Variants in XPO4 observed in about 807,000 individuals in gnomAD.
XPO4 encodes the protein exportin 4, also known as exportin-4.
Under a neutral mutation model 143.0 loss-of-function variants are expected in XPO4, and 39 were observed. The ratio of observed to expected loss-of-function variants is 0.27; its 90% CI spans 0.21 to 0.36. XPO4 has a LOEUF of 0.36. Among genes scored for constraint, XPO4 ranks in the 10% least tolerant of loss-of-function variants. The pLI, the probability that XPO4 is intolerant of heterozygous loss-of-function variation, is 1.00. For missense variants in XPO4, 907 were observed against 1,348.0 expected (o/e 0.67, Z 5.12); for synonymous variants, 439 against 474.0 (o/e 0.93, Z 0.96).
intron 2 of XPO4, chr13:20,866,419 A>C: frequency 2.1e-6 from 2 of 968,684 alleles, no homozygotes; most frequent in Non-Finnish European, 2.5e-6. Flanking sequence ...CTTTAGTAGA[A>C]TATATTACCC....
rs1307353407 is a variant in XPO4, at chr13:20,781,084, C to G, written c.*2638G>C. On this transcript the variant is annotated 3_prime_UTR_variant, in exon 23 of 23. Transcript: ENST00000255305. Reference sequence around the variant, plus strand: ...AAAACAAAAATCTAAAAATGAAATACTTGACAGTGTCCCTTTGACATATAT... The same window carrying G: ...AAAACAAAAATCTAAAAATGAAATAGTTGACAGTGTCCCTTTGACATATAT... 2 of 152,080 alleles carry G rather than the reference C, an allele frequency of 1.3e-5. No homozygotes were observed. Among genetic ancestry groups the G allele is most frequent in the African/African-American group, 4.8e-5 (2 of 41,402 alleles). The allele number at this position is 152,080 out of a possible 1,614,324, so 9.4% of individuals were successfully genotyped here. A position where few individuals can be genotyped will look rare whatever the true frequency, so the allele number is the denominator to read the frequency against.
At chr13:20,850,014 G>T in intron 4 of XPO4, 1 of 708,544 alleles carries the variant, frequency 1.4e-6, no homozygotes, top group Non-Finnish European at 1.7e-6. Flanking sequence ...GCTGAGGCAT[G>T]AGAATCGCTT....
chr13:20,869,417 A>G (rs2138135958), intron 1 of XPO4: 1 of 596,300 alleles, frequency 1.7e-6, no homozygotes, highest in South Asian at 7.4e-5. Context: ...TACATGGTTT[A>G]GTTAACTTTT....
chr13:20,821,962 C>T (rs2059725292), intron 8 of XPO4, 84 bp from the exon 9 acceptor site: 14 of 1,406,126 alleles, frequency 1.0e-5, no homozygotes, highest in South Asian at 1.5e-5. Context: ...AAGCAAATAT[C>T]GTTACTGATT....
At chr13:20,846,098 A>C (rs1233036643) in intron 4 of XPO4, among the ~76,000 whole-genome samples, 6 of 152,222 alleles carry the variant, frequency 3.9e-5, no homozygotes. Context: ...TCATTAAACA[A>C]ATTCTTACTC....
intron 1 of XPO4, among the ~76,000 whole-genome samples, chr13:20,895,355 G>C (rs2060557958): frequency 6.6e-6 from 1 of 152,098 alleles, no homozygotes; most frequent in African/African-American, 2.4e-5. Flanking sequence ...GTATAGGCCA[G>C]GCACAGTGGC....
intron 22 of XPO4, among the ~76,000 whole-genome samples, chr13:20,785,586 G>A (rs1174512230): frequency 2.0e-5 from 3 of 151,732 alleles, no homozygotes; most frequent in Non-Finnish European, 4.4e-5. Flanking sequence ...GATTGCTTGA[G>A]GCCAGGAGGC....
chr13:20,892,899 A>AT (rs1430488192), intron 1 of XPO4, among the ~76,000 whole-genome samples: 8 of 151,756 alleles, frequency 5.3e-5, no homozygotes, highest in African/African-American at 1.2e-4. Flanking sequence ...TAAAAAAAAA[A>AT]AAATAAAAGA....
At chr13:20,852,485 C>A (rs1411032926) in intron 4 of XPO4, 2 of 985,276 alleles carry the variant, frequency 2.0e-6, no homozygotes, top group Non-Finnish European at 2.4e-6. Flanking sequence ...GAAGCAAATT[C>A]GAACAAATTC....
intron 6 of XPO4, among the ~76,000 whole-genome samples, chr13:20,833,706 A>G (rs776597798): frequency 2.0e-5 from 3 of 152,134 alleles, no homozygotes; most frequent in Non-Finnish European, 2.9e-5. Flanking sequence ...AAAAAATCAT[A>G]TACAACATGC....
At chr13:20,847,687 C>T (rs2060041597) in intron 4 of XPO4, among the ~76,000 whole-genome samples, 1 of 152,104 alleles carries the variant, frequency 6.6e-6, no homozygotes, top group African/African-American at 2.4e-5. Flanking sequence ...GAGACAGTGG[C>T]TCTGATACTT....
At chr13:20,866,609 C>T (rs757894704) in intron 2 of XPO4, among the ~76,000 whole-genome samples, 1 of 152,178 alleles carries the variant, frequency 6.6e-6, no homozygotes, top group Non-Finnish European at 1.5e-5. Context: ...TAATGTAACA[C>T]AGGGCTTTGC....
chr13:20,844,183 T>TA (rs2060007359), intron 4 of XPO4, among the ~76,000 whole-genome samples: 1 of 152,222 alleles, frequency 6.6e-6, no homozygotes, highest in Non-Finnish European at 1.5e-5. Flanking sequence ...AAATGATATT[T>TA]AAAAATAATA....
Position 20,781,954 on chromosome 13 carries a change from C to T in XPO4, c.*1768G>A, listed in dbSNP as rs1319123224. 6.6e-6 allele frequency: 1 copy of T among 151,942 alleles called. No individual in the cohort carries two copies. The highest frequency in any genetic ancestry group is 1.5e-5 in the Non-Finnish European group (1 of 67,992). 9.4% of individuals were successfully genotyped at this position (151,942 alleles called of 1,614,324 possible). A position where few individuals can be genotyped will look rare whatever the true frequency, so the allele number is the denominator to read the frequency against. On this transcript the variant is annotated 3_prime_UTR_variant, in exon 23 of 23. Coordinates refer to ENST00000255305, the MANE Select transcript of XPO4 (RefSeq NM_022459.5). ...TTTTAAAATACAGAAACGTGTACTT[C>T]TGGATGACTGATATTAATTTCCTTC...
intron 9 of XPO4, among the ~76,000 whole-genome samples, chr13:20,819,898 A>C (rs1474086106): frequency 1.3e-5 from 2 of 152,188 alleles, no homozygotes; most frequent in Non-Finnish European, 2.9e-5. Flanking sequence ...GGTTGAGATG[A>C]CATTTAGGAG....
chr13:20,844,651 C>CGT (rs2060012116), intron 4 of XPO4, among the ~76,000 whole-genome samples: 1 of 152,234 alleles, frequency 6.6e-6, no homozygotes, highest in South Asian at 2.1e-4. Context: ...TGAACACTGT[C>CGT]ATACCCACCC....
intron 3 of XPO4, among the ~76,000 whole-genome samples, chr13:20,856,069 T>C (rs2060140005): frequency 6.6e-6 from 1 of 152,162 alleles, no homozygotes; most frequent in Non-Finnish European, 1.5e-5. Flanking sequence ...CTGTGCCCAG[T>C]ACATACTAAG....
chr13:20,894,254 T>G (rs2060546672), intron 1 of XPO4, among the ~76,000 whole-genome samples: 1 of 152,222 alleles, frequency 6.6e-6, no homozygotes, highest in Non-Finnish European at 1.5e-5. Context: ...TTTCCCATAA[T>G]TACAAACAGA....
rs78242542 is a variant in XPO4 at position 20,794,235 on chromosome 13, G to A, written c.2797+1841C>T. On this transcript the variant is annotated intron_variant, in intron 18 of 22. Transcript: ENST00000255305. ...ATTATTCTGAAAATAAGACAAATCT[G>A]GTAGTATGTCAGAAACAACTAGGAA... Among the ~76,000 whole-genome samples the A allele has an allele frequency of 6.2e-3, 951 of 152,204 alleles. 6 individuals are homozygous for A. Among genetic ancestry groups the A allele is most frequent in the Middle Eastern group, 0.014 (4 of 294 alleles).
Sources: allele counts gnomAD v4.1 joint callset (sites outside exome capture counted in the v4.1 genomes callset), GRCh38; gene constraint gnomAD v4.1.1; transcripts MANE v1.5; gene names NCBI Gene and HGNC (gene_info 2026-07-23, HGNC 2026-07-21).